The following STK3 variants were observed in gnomAD, a reference collection of about 807,000 sequenced individuals.
STK3 encodes serine/threonine kinase 3.
STK3 carries 41 observed loss-of-function variants against 58.0 expected under a neutral mutation model. The observed-to-expected ratio is 0.71, with a 90% CI of 0.55 to 0.92. The LOEUF is 0.92. Ranked by LOEUF, STK3 falls within the 40% of genes least tolerant of loss-of-function variation. STK3 has a pLI of 0.00. For missense variants in STK3, 479 were observed against 602.7 expected (o/e 0.79, Z 2.15); for synonymous variants, 170 against 191.0 (o/e 0.89, Z 0.91).
intron 3 of STK3, among the ~76,000 whole-genome samples, chr8:98,415,904 C>T (rs1022171670): frequency 1.3e-5 from 2 of 152,176 alleles, no homozygotes; most frequent in Non-Finnish European, 2.9e-5. Context: ...GACAGCCAGT[C>T]CCCCTCAAAT....
rs143901845 is a variant in STK3, at chr8:98,447,955, T to TATAATAATA, written n.186-10756_186-10748dup. Among the ~76,000 whole-genome samples the TATAATAATA allele has an allele frequency of 6.9e-3, 985 of 142,016 alleles. 4 individuals are homozygous for TATAATAATA. The highest frequency in any genetic ancestry group is 9.0e-3 in the African/African-American group (351 of 38,848). 93.2% of individuals were successfully genotyped at this position (142,016 alleles called of 152,430 possible). A position where few individuals can be genotyped will look rare whatever the true frequency, so the allele number is the denominator to read the frequency against. On this transcript the variant is annotated intron_variant and non_coding_transcript_variant, in intron 1 of 3. Coordinates refer to the STK3 transcript ENST00000517832. Reference sequence around the variant, plus strand: ...TGCACATGTACCCTAAAACTTAAAGTATAATAATAATAATAATAATAATAA... The same window carrying TATAATAATA: ...TGCACATGTACCCTAAAACTTAAAGTATAATAATAATAATAATAATAATAATAATAATAA...
intron 4 of STK3, among the ~76,000 whole-genome samples, chr8:98,730,473 T>C (rs1021826510): frequency 7.4e-4 from 113 of 152,220 alleles, no homozygotes; most frequent in African/African-American, 2.6e-3. Context: ...ATCCCAGCAC[T>C]TTGCGAGGCC....
intron 10 of STK3, among the ~76,000 whole-genome samples, chr8:98,521,312 T>C (rs1035584264): frequency 1.3e-5 from 2 of 152,142 alleles, no homozygotes; most frequent in African/African-American, 4.8e-5. Flanking sequence ...CTTCCTTTAT[T>C]ATTTTTTTTT....
At chr8:98,570,059 A>T (rs1321143591) in intron 8 of STK3, among the ~76,000 whole-genome samples, 1 of 147,978 alleles carries the variant, frequency 6.8e-6, no homozygotes, top group Non-Finnish European at 1.5e-5. Flanking sequence ...ATTAAAGAAT[A>T]TAAAAATATA....
At chr8:98,711,663 G>A (rs534727923) in intron 4 of STK3, among the ~76,000 whole-genome samples, 16 of 152,334 alleles carry the variant, frequency 1.1e-4, no homozygotes, top group African/African-American at 3.6e-4. Context: ...TCTGATTGGT[G>A]TACCTGAAAG....
chr8:98,897,180 CCT>C (rs1182662061), intron 1 of STK3, among the ~76,000 whole-genome samples: 3 of 152,186 alleles, frequency 2.0e-5, no homozygotes, highest in Admixed American at 6.5e-5. Context: ...AGTCTCACTT[CCT>C]CTGAGTTTGG....
intron 6 of STK3, among the ~76,000 whole-genome samples, chr8:98,658,887 T>C (rs1028233166): frequency 3.3e-5 from 5 of 152,102 alleles, no homozygotes; most frequent in Admixed American, 6.6e-5. Flanking sequence ...TAAAATATTA[T>C]ATGGCTTTAG....
At chr8:98,481,711 T>C (rs982206265) in intron 10 of STK3, among the ~76,000 whole-genome samples, 1 of 138,734 alleles carries the variant, frequency 7.2e-6, no homozygotes, top group Non-Finnish European at 1.5e-5. Flanking sequence ...CTAGTATCCC[T>C]AAAGCTATTG....
intron 8 of STK3, among the ~76,000 whole-genome samples, chr8:98,571,148 G>A (rs1042015607): frequency 3.9e-5 from 6 of 152,098 alleles, no homozygotes; most frequent in Middle Eastern, 3.2e-3. Context: ...TGGCCAACAT[G>A]GCTAAACCTT....
chr8:98,748,762 G>A (rs1587505884), intron 4 of STK3, among the ~76,000 whole-genome samples: 1 of 151,660 alleles, frequency 6.6e-6, no homozygotes, highest in South Asian at 2.1e-4. Flanking sequence ...ATTTCACTAA[G>A]CTAAATTTAT....
chr8:98,461,851 C>T (rs1352350379), intron 10 of STK3, among the ~76,000 whole-genome samples: 1 of 152,206 alleles, frequency 6.6e-6, no homozygotes, highest in Non-Finnish European at 1.5e-5. Context: ...GAGAAATCTG[C>T]TGTTAGTCTG....
At chr8:98,896,003 G>A (rs1355339247) in intron 1 of STK3, among the ~76,000 whole-genome samples, 2 of 152,132 alleles carry the variant, frequency 1.3e-5, no homozygotes, top group African/African-American at 4.8e-5. Context: ...ATTTGATAGA[G>A]TTCAAATTTC....
At chr8:98,367,785 G>A (rs1586538682), downstream of STK3, among the ~76,000 whole-genome samples, 1 of 152,242 alleles carries the variant, frequency 6.6e-6, no homozygotes, top group East Asian at 1.9e-4. Flanking sequence ...GCACATTGAT[G>A]AAGGAAGCCG....
Position 98,428,898 on chromosome 8 carries a change from A to C in STK3, n.483+5229T>G. 6.2e-7 allele frequency: 1 copy of C among 1,614,182 alleles called. No homozygotes were observed. Among genetic ancestry groups the C allele is most frequent in the Non-Finnish European group, 8.5e-7 (1 of 1,180,036 alleles). On this transcript the variant is annotated intron_variant and non_coding_transcript_variant, in intron 3 of 3. Coordinates refer to the STK3 transcript ENST00000517832. The surrounding 1 kb of genome is among the most constrained non-coding windows in gnomAD (Gnocchi z 6.7). ...GCTGATGCGGATCTTCCGCATCTTA[A>C]AGCTGGCCAGGCACTCCACTGGCCT...
In STK3 at chr8:98,590,089, G is replaced by A. The variant is rs9772082; in HGVS notation, c.822+5943C>T. On this transcript the variant is annotated intron_variant, in intron 7 of 10. Coordinates refer to ENST00000419617, the MANE Select transcript of STK3 (RefSeq NM_006281.4). Reference sequence around the variant, plus strand: ...GCGCTCATGCTGGGAGCTGTAGACCGGAGCTGTTCCTATTCGGCCATCTTG... The same window carrying A: ...GCGCTCATGCTGGGAGCTGTAGACCAGAGCTGTTCCTATTCGGCCATCTTG... Among the ~76,000 whole-genome samples, 1,263 of 152,332 alleles carry A rather than the reference G, an allele frequency of 8.3e-3. 16 individuals carry two copies. Among genetic ancestry groups the A allele is most frequent in the African/African-American group, 0.029 (1,190 of 41,576 alleles).
chr8:98,672,977 CTT>C (rs1822938904), intron 6 of STK3, among the ~76,000 whole-genome samples: 2 of 151,806 alleles, frequency 1.3e-5, no homozygotes, highest in Non-Finnish European at 2.9e-5. Context: ...TGCTGTGTTT[CTT>C]TAAAAAAAAA....
At chr8:98,751,872 G>A (rs967602713) in intron 3 of STK3, among the ~76,000 whole-genome samples, 23 of 151,948 alleles carry the variant, frequency 1.5e-4, no homozygotes, top group Admixed American at 3.9e-4. Flanking sequence ...CTCAGGAGGC[G>A]GAGGTTGCAG....
intron 1 of STK3, among the ~76,000 whole-genome samples, chr8:98,936,586 G>T (rs1437822875): frequency 6.6e-6 from 1 of 152,242 alleles, no homozygotes. Flanking sequence ...AGGCCATATG[G>T]CTTGTCAAGA....
At chr8:98,502,552 T>C (rs1296573479) in intron 10 of STK3, among the ~76,000 whole-genome samples, 1 of 152,082 alleles carries the variant, frequency 6.6e-6, no homozygotes, top group Non-Finnish European at 1.5e-5. Context: ...TTGTCATAAA[T>C]AGCTTATTAT....
Sources: allele counts gnomAD v4.1 joint callset (sites outside exome capture counted in the v4.1 genomes callset), GRCh38; gene constraint gnomAD v4.1.1; non-coding constraint Gnocchi (gnomAD v3.1); transcripts MANE v1.5; gene names NCBI Gene and HGNC (gene_info 2026-07-23, HGNC 2026-07-21).